The following TTYH2 variants were observed in gnomAD, a reference collection of about 807,000 sequenced individuals.
TTYH2 encodes protein tweety homolog 2.
TTYH2 carries 49 observed loss-of-function variants against 68.3 expected under a neutral mutation model. The ratio of observed to expected loss-of-function variants is 0.72; its 90% confidence interval spans 0.57 to 0.91. The LOEUF is 0.91. TTYH2 is among the 40% of genes least tolerant of loss of function. The pLI, the probability that TTYH2 is intolerant of heterozygous loss-of-function variation, is 0.00. For synonymous variants in TTYH2, 272 were observed against 300.8 expected, an observed-to-expected ratio of 0.90 and a Z score of 0.99; for missense variants, 631 against 700.4, an observed-to-expected ratio of 0.90 and a Z score of 1.12.
rs1194390410 is a variant in TTYH2, at chr17:74,214,000, C to CT, written c.129+285dup. Among the ~76,000 whole-genome samples, 1 of 151,266 alleles carries CT rather than the reference C, an allele frequency of 6.6e-6. No homozygotes were observed. Among genetic ancestry groups the CT allele is most frequent in the Admixed American group, 6.6e-5 (1 of 15,224 alleles). On this transcript the variant is annotated intron_variant, in intron 1 of 13. Transcript: ENST00000269346. The surrounding 1 kb of genome is among the most constrained non-coding windows in gnomAD (Gnocchi z 6.1). ...GCAAGACCGCCTGCGGGGTGAGGGGCTGAACGCTGAGCGGGCAGGGCGGCG... is the reference window on the plus strand; with the variant it reads ...GCAAGACCGCCTGCGGGGTGAGGGGCTTGAACGCTGAGCGGGCAGGGCGGCG...
intron 2 of TTYH2, among the ~76,000 whole-genome samples, chr17:74,224,189 C>T (rs11652965): frequency 0.018 from 2,719 of 152,238 alleles, 30 homozygotes; most frequent in African/African-American, 0.031. Context: ...GCGGGTGGAT[C>T]GCCTGAGCTC....
rs1328081369 is a variant in TTYH2, at chr17:74,241,471, C to T, written c.636-1903C>T. On this transcript the variant is annotated intron_variant, in intron 4 of 13. Coordinates refer to ENST00000269346, the MANE Select transcript of TTYH2 (RefSeq NM_032646.6). The surrounding 1 kb of genome is among the most constrained non-coding windows in gnomAD (Gnocchi z 4.1). The stretch of plus-strand genomic sequence containing the variant: ...GACCTAGTGTGTGCTGCCCCCTGCT[C>T]GTGCAGAGACAAGGACTTTGATTAG... 2.0e-5 allele frequency among the ~76,000 whole-genome samples: 3 copies of T among 152,130 alleles called. No individual in the cohort carries two copies. Among genetic ancestry groups the T allele is most frequent in the Non-Finnish European group, 2.9e-5 (2 of 68,026 alleles).
chr17:74,255,408 C>T (rs1250038198), intron 13 of TTYH2, among the ~76,000 whole-genome samples: 1 of 152,204 alleles, frequency 6.6e-6, no homozygotes, highest in Admixed American at 6.5e-5. Flanking sequence ...TCCACCCCAC[C>T]TTCTCCACAG....
intron 13 of TTYH2, among the ~76,000 whole-genome samples, chr17:74,254,550 A>G (rs1264080346): frequency 6.6e-6 from 1 of 152,196 alleles, no homozygotes; most frequent in Non-Finnish European, 1.5e-5. Context: ...CCAGGCCCCT[A>G]AGTGAACTGT....
rs117404935 is a variant in TTYH2 at position 74,252,973 on chromosome 17, C to T, written c.1260-108C>T. 1.4e-3 allele frequency: 1,669 copies of T among 1,180,796 alleles called. 13 individuals are homozygous for T. In the East Asian group the frequency reaches 0.02, roughly 14 times the overall value. 73.1% of individuals were successfully genotyped at this position (1,180,796 alleles called of 1,614,324 possible). On this transcript the variant is annotated intron_variant, in intron 11 of 13. Coordinates refer to ENST00000269346, the MANE Select transcript of TTYH2 (RefSeq NM_032646.6). ...TTTAGAGGAGTCTCAAGGAGACACG[C>T]GTGGCCAGAGAGTCCTGGGAGGAAA... is the stretch of plus-strand genomic sequence containing the variant.
chr17:74,223,212 A>C (rs2050295271), intron 2 of TTYH2, among the ~76,000 whole-genome samples: 1 of 150,618 alleles, frequency 6.6e-6, no homozygotes, highest in Non-Finnish European at 1.5e-5. Context: ...AGGCTTAAGC[A>C]ATCCTCCCAC....
chr17:74,241,454 G>A lies in TTYH2; in HGVS notation c.636-1920G>A, dbSNP rs975229365. Among the ~76,000 whole-genome samples the A allele has an allele frequency of 9.2e-5, 14 of 152,194 alleles. No individual in the cohort carries two copies. Among genetic ancestry groups the A allele is most frequent in the Non-Finnish European group, 1.8e-4 (12 of 68,042 alleles). ...TTCCGGGGAACCCCAGAGACCTAGT[G>A]TGTGCTGCCCCCTGCTCGTGCAGAG... is the stretch of plus-strand genomic sequence containing the variant. On this transcript the variant is annotated intron_variant, in intron 4 of 13. Transcript: ENST00000269346. This position sits in a 1 kb window ranked among gnomAD's most constrained non-coding sequence, Gnocchi z 4.1.
chr17:74,243,721 A>G (rs993096561), intron 5 of TTYH2, among the ~76,000 whole-genome samples: 43 of 152,298 alleles, frequency 2.8e-4, no homozygotes, highest in African/African-American at 1.0e-3. Context: ...GCTAAGAAAC[A>G]TGGGTCCGTG....
intron 5 of TTYH2, 25 bp from the exon 6 acceptor site, chr17:74,243,952 A>G (rs772333450): frequency 5.0e-6 from 8 of 1,608,156 alleles, no homozygotes; most frequent in Admixed American, 1.7e-5. Flanking sequence ...CCGCCTGCCA[A>G]CGTTGTCGCC....
In TTYH2 at chr17:74,243,447, C is replaced by A; in HGVS notation, c.709C>A (p.Arg237Ser). ...CLIACLGLAK[R>S]SKCLLASMLC... ...CATTGCCTGCCTGGGACTGGCCAAGCGCTCCAAGTGTCTCCTGGCCTCGTG... is the reference window on the plus strand; with the variant it reads ...CATTGCCTGCCTGGGACTGGCCAAGAGCTCCAAGTGTCTCCTGGCCTCGTG... Residue 237 changes from arginine to serine, a missense_variant, in exon 5 of 14, where the codon CGC (arginine) becomes AGC (serine). Physicochemically the swap from Arg to Ser is moderately radical, Grantham distance 110. Transcript: ENST00000269346. 3 of 1,614,152 alleles carry A rather than the reference C, an allele frequency of 1.9e-6. No homozygotes were observed. Among genetic ancestry groups the A allele is most frequent in the South Asian group, 1.1e-5 (1 of 91,078 alleles).
chr17:74,227,974 C>CT (rs2050347863), intron 2 of TTYH2, among the ~76,000 whole-genome samples: 1 of 118,938 alleles, frequency 8.4e-6, no homozygotes, highest in East Asian at 2.0e-4. Context: ...GGTTTCTTTT[C>CT]TTTTCTTTCT....
At chr17:74,258,695 C>G (rs1176154134) in intron 13 of TTYH2, among the ~76,000 whole-genome samples, 4 of 152,094 alleles carry the variant, frequency 2.6e-5, no homozygotes, top group African/African-American at 4.8e-5. Context: ...GCGTCATTCT[C>G]GGTGGGGGGT....
chr17:74,247,653 T>TC (rs1476160385), intron 6 of TTYH2, among the ~76,000 whole-genome samples: 1 of 152,094 alleles, frequency 6.6e-6, no homozygotes, highest in African/African-American at 2.4e-5. Flanking sequence ...GCTCTTTATT[T>TC]CCCCAAGGCT....
chr17:74,237,413 G>T lies in TTYH2; in HGVS notation c.534G>T (p.Ala178=), dbSNP rs765344035. 1 of 1,614,138 alleles carries T rather than the reference G, an allele frequency of 6.2e-7. No individual in the cohort carries two copies. The highest frequency in any genetic ancestry group is 8.5e-7 in the Non-Finnish European group (1 of 1,180,028). ...CCCTGAAGTTCATACAGCAGATGGCGGGCAGCGTTGTTGTTCAGCTCTCAG... is the reference window on the plus strand; with the variant it reads ...CCCTGAAGTTCATACAGCAGATGGCTGGCAGCGTTGTTGTTCAGCTCTCAG... ...LQTLKFIQQM[A]GSVVVQLSGL... is the part of the protein sequence containing the mutation. The change falls in exon 4 of 14, where the codon GCG becomes GCT. Residue 178 remains alanine, a synonymous_variant. Transcript: ENST00000269346.
rs1356484856 is a variant in TTYH2, at chr17:74,249,386, G to GC, written c.921dup (p.Phe308LeufsTer119). 1.2e-6 allele frequency: 2 copies of GC among 1,614,016 alleles called. No homozygotes were observed. Among genetic ancestry groups the GC allele is most frequent in the Non-Finnish European group, 1.7e-6 (2 of 1,180,018 alleles). Reference sequence around the variant, plus strand: ...CTGTATTGCAGCCAGAGTGGAAGCAGCCCCTTCCAGCAGGTATGGCCCCCC... The same window carrying GC: ...CTGTATTGCAGCCAGAGTGGAAGCAGCCCCCTTCCAGCAGGTATGGCCCCCC... On this transcript the variant is annotated frameshift_variant, in exon 8 of 14. Transcript: ENST00000269346. LOFTEE classifies it high-confidence loss of function.
intron 5 of TTYH2, among the ~76,000 whole-genome samples, chr17:74,243,714 A>G (rs2050525513): frequency 6.6e-6 from 1 of 152,200 alleles, no homozygotes; most frequent in Non-Finnish European, 1.5e-5. Flanking sequence ...TTGAGCAGCT[A>G]AGAAACATGG....
rs1218792030 is a variant in TTYH2, at chr17:74,222,133, G to A, written c.130-352G>A. 6.6e-6 allele frequency among the ~76,000 whole-genome samples: 1 copy of A among 152,164 alleles called. No individual in the cohort carries two copies. The highest frequency in any genetic ancestry group is 1.5e-5 in the Non-Finnish European group (1 of 68,032). On this transcript the variant is annotated intron_variant, in intron 1 of 13. Transcript: ENST00000269346. This position sits in a 1 kb window ranked among gnomAD's most constrained non-coding sequence, Gnocchi z 5.2. ...CCCACAGCCCTCCCTGCTAGCTGGG[G>A]ATTCCTGCCTTGTCTCCTGAGTGGC... is the stretch of plus-strand genomic sequence containing the variant.
rs947450577 is a variant in TTYH2 at position 74,247,333 on chromosome 17, T to C, written c.805-1678T>C. On this transcript the variant is annotated intron_variant, in intron 6 of 13. Coordinates refer to ENST00000269346, the MANE Select transcript of TTYH2 (RefSeq NM_032646.6). ...TCAAGATGAGATCTGGGTGGACCAT[T>C]TCGACATGCACACACACAAGGGCAT... Among the ~76,000 whole-genome samples the C allele has an allele frequency of 1.4e-4, 22 of 152,048 alleles. 1 individual carries two copies. Among genetic ancestry groups the C allele is most frequent in the African/African-American group, 3.1e-4 (13 of 41,368 alleles).
In TTYH2 at chr17:74,217,209, A is replaced by G. The variant is rs1406962836; in HGVS notation, c.129+3493A>G. Among the ~76,000 whole-genome samples, 1 of 152,228 alleles carries G rather than the reference A, an allele frequency of 6.6e-6. No homozygotes were observed. Among genetic ancestry groups the G allele is most frequent in the Non-Finnish European group, 1.5e-5 (1 of 68,036 alleles). On this transcript the variant is annotated intron_variant, in intron 1 of 13. Transcript: ENST00000269346. The surrounding 1 kb of genome is among the most constrained non-coding windows in gnomAD (Gnocchi z 4.0). ...GGCTGTGCAAATGTTAGTTATTGCT[A>G]CTGTCAACAGGCAGGTGGCCACATG...
Sources: gnomAD v4.1 joint callset for allele counts (sites outside exome capture counted in the v4.1 genomes callset) on GRCh38, gnomAD v4.1.1 for gene constraint, Gnocchi (gnomAD v3.1) non-coding constraint, MANE v1.5 for transcripts, NCBI Gene and HGNC (gene_info 2026-07-23, HGNC 2026-07-21) for gene names.